Variants in GDPD1 observed in about 807,000 individuals in gnomAD.
GDPD1 encodes the protein glycerophosphodiester phosphodiesterase domain containing 1, also known as lysophospholipase D GDPD1.
In GDPD1, 28 loss-of-function variants were observed where a neutral mutation model predicts 45.1. That is an observed-to-expected ratio of 0.62 (90% CI 0.46 to 0.85). The LOEUF (loss-of-function observed/expected upper bound fraction) is 0.85, where lower values mean the gene tolerates loss of function less well. Among genes scored for constraint, GDPD1 ranks in the 40% least tolerant of loss-of-function variants. GDPD1 has a pLI of 0.00. For synonymous variants in GDPD1, 139 were observed against 131.4 expected, an observed-to-expected ratio of 1.06 and a Z score of -0.40; for missense variants, 256 against 364.8, an observed-to-expected ratio of 0.70 and a Z score of 2.43.
intron 3 of GDPD1, among the ~76,000 whole-genome samples, chr17:59,245,887 G>A (rs974337580): frequency 3.9e-5 from 6 of 152,128 alleles, no homozygotes; most frequent in African/African-American, 1.4e-4. Flanking sequence ...TTGGGAGGCC[G>A]AGGCGGGTGG....
Position 59,270,961 on chromosome 17 carries a change from A to G in GDPD1, c.736A>G (p.Arg246Gly), listed in dbSNP as rs746348284. The change falls in exon 8 of 10, where the codon AGA becomes GGA. Residue 246 changes from arginine (R) to glycine (G), a missense_variant. Coordinates refer to ENST00000284116, the MANE Select transcript of GDPD1 (RefSeq NM_182569.4). ...GCTAAAAGAACCACACACCATGTCC[A>G]GAAGTCAAAAGTTTCTCATCTGGCT... ...LKLKEPHTMS[R>G]SQKFLIWLSD... 7.5e-6 allele frequency: 12 copies of G among 1,605,292 alleles called. No individual in the cohort carries two copies. Among genetic ancestry groups the G allele is most frequent in the Middle Eastern group, 1.7e-4 (1 of 6,030 alleles).
intron 6 of GDPD1, among the ~76,000 whole-genome samples, chr17:59,258,118 G>C (rs188961288): frequency 6.6e-6 from 1 of 152,042 alleles, no homozygotes; most frequent in East Asian, 2.0e-4. Flanking sequence ...GTAGAGATGA[G>C]GTCTCACTAT....
chr17:59,243,627 G>C (rs1047663248), intron 2 of GDPD1, among the ~76,000 whole-genome samples: 1 of 152,018 alleles, frequency 6.6e-6, no homozygotes, highest in East Asian at 1.9e-4. Context: ...TGAAGGTGGG[G>C]TTCCACCAGG....
At chr17:59,266,050 C>CG (rs1213121171) in intron 6 of GDPD1, among the ~76,000 whole-genome samples, 1 of 25,544 alleles carries the variant, frequency 3.9e-5, no homozygotes, top group Non-Finnish European at 7.6e-5. Context: ...TGCTGGGTGG[C>CG]GGGGGGTGGG....
chr17:59,258,963 A>G (rs1184690761), intron 6 of GDPD1, among the ~76,000 whole-genome samples: 1 of 151,110 alleles, frequency 6.6e-6, no homozygotes, highest in Non-Finnish European at 1.5e-5. Flanking sequence ...TTCTATTATT[A>G]TTATTATTAA....
Position 59,275,259 on chromosome 17 carries a change from A to G in GDPD1, c.*1486A>G. ...AAAAGCTTGGAAATCAGTGATGTGTAGTTATTTGGCAAGTTATACATAATC... is the reference window on the plus strand; with the variant it reads ...AAAAGCTTGGAAATCAGTGATGTGTGGTTATTTGGCAAGTTATACATAATC... On this transcript the variant is annotated 3_prime_UTR_variant, in exon 10 of 10. Coordinates refer to ENST00000284116, the MANE Select transcript of GDPD1 (RefSeq NM_182569.4). 7.2e-7 allele frequency: 1 copy of G among 1,388,268 alleles called. No homozygotes were observed. Among genetic ancestry groups the G allele is most frequent in the Non-Finnish European group, 9.9e-7 (1 of 1,012,974 alleles). 86.0% of individuals were successfully genotyped at this position (1,388,268 alleles called of 1,614,324 possible). A position where few individuals can be genotyped will look rare whatever the true frequency, so the allele number is the denominator to read the frequency against.
rs557992165 is a variant in GDPD1 at position 59,250,084 on chromosome 17, T to A, written c.367+1299T>A. Among the ~76,000 whole-genome samples, 6 of 151,926 alleles carry A rather than the reference T, an allele frequency of 3.9e-5. No individual in the cohort carries two copies. The South Asian group carries it at 6.2e-4, about 16-fold the overall frequency. Reference sequence around the variant, plus strand: ...AAAATGAAATAAAAATCAGAAAAAATTTAACATTAGCTATTTCTAAGGGAT... The same window carrying A: ...AAAATGAAATAAAAATCAGAAAAAAATTAACATTAGCTATTTCTAAGGGAT... On this transcript the variant is annotated intron_variant, in intron 4 of 9. Coordinates refer to ENST00000284116, the MANE Select transcript of GDPD1 (RefSeq NM_182569.4).
At chr17:59,266,261 G>A (rs1332316467) in intron 6 of GDPD1, among the ~76,000 whole-genome samples, 13 of 151,638 alleles carry the variant, frequency 8.6e-5, no homozygotes, top group South Asian at 2.1e-4. Flanking sequence ...GGTGGTGTGC[G>A]CCTGTAATCT....
At chr17:59,271,070 T>C (rs2047440663) in intron 8 of GDPD1, 75 bp downstream of exon 8, 1 of 878,688 alleles carries the variant, frequency 1.1e-6, no homozygotes, top group South Asian at 1.6e-5. Context: ...TAAAATGTTG[T>C]GCAAGCTTTC....
At chr17:59,237,134 C>T (rs2047139036) in intron 2 of GDPD1, among the ~76,000 whole-genome samples, 1 of 151,766 alleles carries the variant, frequency 6.6e-6, no homozygotes, top group Admixed American at 6.6e-5. Flanking sequence ...CGCAGTAGCT[C>T]ACACCTGTAA....
At chr17:59,267,889 C>G (rs1296279964) in intron 7 of GDPD1, among the ~76,000 whole-genome samples, 4 of 151,952 alleles carry the variant, frequency 2.6e-5, no homozygotes. Context: ...AGGCTGGTCT[C>G]CAACTCCTTA....
intron 1 of GDPD1, 110 bp from the exon 2 acceptor site, chr17:59,234,382 A>AC (rs113162600): frequency 1.4e-3 from 786 of 569,130 alleles, no homozygotes; most frequent in South Asian, 4.1e-3. Context: ...TGTAATGTCT[A>AC]CCCCCAAAAA....
At chr17:59,273,408 G>A (rs556454662) in intron 9 of GDPD1, among the ~76,000 whole-genome samples, 13 of 152,196 alleles carry the variant, frequency 8.5e-5, no homozygotes, top group African/African-American at 3.1e-4. Context: ...AATTACAGGC[G>A]TGAGCCACCG....
At chr17:59,265,360 T>G (rs932398985) in intron 6 of GDPD1, among the ~76,000 whole-genome samples, 1 of 148,586 alleles carries the variant, frequency 6.7e-6, no homozygotes, top group African/African-American at 2.5e-5. Flanking sequence ...TATAATGAGA[T>G]TCTGTCTCTA....
In GDPD1 at chr17:59,275,107, G is replaced by T. The variant is rs1410064289; in HGVS notation, c.*1334G>T. On this transcript the variant is annotated 3_prime_UTR_variant, in exon 10 of 10. Transcript: ENST00000284116. ...TCCACCCACCTCGGCCTCTCAAAGT[G>T]CTGGGATTACAGGTTTGAACCACTG... 6.7e-7 allele frequency: 1 copy of T among 1,498,008 alleles called. No homozygotes were observed. The highest frequency in any genetic ancestry group is 9.0e-7 in the Non-Finnish European group (1 of 1,112,048). 92.8% of individuals were successfully genotyped at this position (1,498,008 alleles called of 1,614,324 possible).
At position 59,224,666 on chromosome 17, in the gene GDPD1, G is replaced by A. The variant is rs1038200058; in HGVS notation, c.142+3915G>A. On this transcript the variant is annotated intron_variant, in intron 1 of 9. Transcript: ENST00000284116. ...AAAAAACAAAAACAAAAAAAACTACGACTTGTTGAGCCGGGTGTGATGGTG... is the reference window on the plus strand; with the variant it reads ...AAAAAACAAAAACAAAAAAAACTACAACTTGTTGAGCCGGGTGTGATGGTG... Among the ~76,000 whole-genome samples, 7 of 151,066 alleles carry A rather than the reference G, an allele frequency of 4.6e-5. No individual in the cohort carries two copies. In the South Asian group the frequency reaches 8.4e-4, roughly 18 times the overall value.
chr17:59,236,039 GA>G (rs1454282322), intron 2 of GDPD1, among the ~76,000 whole-genome samples: 1 of 151,902 alleles, frequency 6.6e-6, no homozygotes, highest in African/African-American at 2.4e-5. Flanking sequence ...CATATAACTT[GA>G]GAAAAAAACT....
intron 2 of GDPD1, among the ~76,000 whole-genome samples, chr17:59,238,985 C>G (rs2047155667): frequency 6.6e-6 from 1 of 152,134 alleles, no homozygotes; most frequent in African/African-American, 2.4e-5. Flanking sequence ...ATGTGGTTCT[C>G]AAGGGCTAAT....
intron 1 of GDPD1, among the ~76,000 whole-genome samples, chr17:59,229,338 C>A (rs1282211021): frequency 2.0e-5 from 3 of 146,740 alleles, no homozygotes; most frequent in African/African-American, 5.0e-5. Flanking sequence ...TTTTTTTTGA[C>A]ACAGAAGTGC....
Sources: allele counts gnomAD v4.1 joint callset (sites outside exome capture counted in the v4.1 genomes callset), GRCh38; gene constraint gnomAD v4.1.1; transcripts MANE v1.5; gene names NCBI Gene and HGNC (gene_info 2026-07-23, HGNC 2026-07-21).